DENND1A: variants seen among roughly 807,000 people sequenced by gnomAD.
The protein encoded by DENND1A is DENN domain containing 1A, also known as DENN domain-containing protein 1A.
A neutral mutation model predicts 113.7 loss-of-function variants in DENND1A; 51 were observed. That is an observed-to-expected ratio of 0.45 (90% CI 0.36 to 0.57). DENND1A has a LOEUF of 0.57. Ranked by LOEUF, DENND1A falls within the 20% of genes least tolerant of loss-of-function variation. DENND1A has a pLI of 0.00. For synonymous variants in DENND1A, 565 were observed against 570.8 expected, an observed-to-expected ratio of 0.99 and a Z score of 0.14; for missense variants, 1,258 against 1,395.9, an observed-to-expected ratio of 0.90 and a Z score of 1.57.
At chr9:123,706,145 CTTTT>C (rs368559777) in intron 5 of DENND1A, among the ~76,000 whole-genome samples, 3 of 133,136 alleles carry the variant, frequency 2.3e-5, no homozygotes, top group Non-Finnish European at 1.6e-5. Flanking sequence ...GATATTTTTT[CTTTT>C]TTTTTTTTTT....
intron 2 of DENND1A, among the ~76,000 whole-genome samples, chr9:123,878,362 A>G (rs1486769744): frequency 7.7e-6 from 1 of 129,602 alleles, no homozygotes; most frequent in Non-Finnish European, 1.6e-5. Flanking sequence ...AGATTTTAAG[A>G]AGAAATATAT....
intron 10 of DENND1A, among the ~76,000 whole-genome samples, chr9:123,623,821 G>A (rs1251560243): frequency 6.6e-6 from 1 of 152,186 alleles, no homozygotes; most frequent in African/African-American, 2.4e-5. Flanking sequence ...TGGGGTTTCT[G>A]GACTCAATGA....
rs200214417 is a variant in DENND1A, at chr9:123,893,104, G to GT, written c.18-14084dup. ...GCCCACTATACGTACAGGATTATAT[G>GT]TTTTTAAAAAAAAAAAAGTGATTCA... On this transcript the variant is annotated intron_variant, in intron 1 of 23. Transcript: ENST00000394215. Among the ~76,000 whole-genome samples the GT allele has an allele frequency of 8.1e-3, 1,206 of 149,032 alleles. 22 individuals carry two copies. The highest frequency in any genetic ancestry group is 0.029 in the African/African-American group (1,124 of 39,092).
At position 123,398,106 on chromosome 9, in the gene DENND1A, A is replaced by G. The variant is rs10986004; in HGVS notation, c.1631+5296T>C. On this transcript the variant is annotated intron_variant, in intron 21 of 23. Transcript: ENST00000394215. ...CTTAAGACTCAGAAGACAGCCCTACATCTGGGCTGTGAAGATTAAACAGGT... is the reference window on the plus strand; with the variant it reads ...CTTAAGACTCAGAAGACAGCCCTACGTCTGGGCTGTGAAGATTAAACAGGT... Among the ~76,000 whole-genome samples the G allele has an allele frequency of 6.4e-3, 975 of 152,348 alleles. 16 individuals carry two copies. Among genetic ancestry groups the G allele is most frequent in the Admixed American group, 0.029 (440 of 15,308 alleles).
intron 5 of DENND1A, among the ~76,000 whole-genome samples, chr9:123,721,853 T>A (rs1212583713): frequency 2.6e-5 from 4 of 152,190 alleles, no homozygotes; most frequent in African/African-American, 9.6e-5. Context: ...TATGTCTTTA[T>A]CAGCAGTGTG....
intron 13 of DENND1A, among the ~76,000 whole-genome samples, chr9:123,471,866 C>T (rs970392053): frequency 1.3e-5 from 2 of 152,190 alleles, no homozygotes; most frequent in Admixed American, 1.3e-4. Flanking sequence ...ATATGTCAGA[C>T]GATTTTCTAC....
chr9:123,482,060 T>C (rs1256722982), intron 13 of DENND1A, among the ~76,000 whole-genome samples: 1 of 151,736 alleles, frequency 6.6e-6, no homozygotes, highest in Non-Finnish European at 1.5e-5. Context: ...TGCCTCGGCC[T>C]CTCAAAGAGC....
intron 2 of DENND1A, among the ~76,000 whole-genome samples, chr9:123,874,324 T>C (rs1336217497): frequency 2.0e-5 from 3 of 151,418 alleles, no homozygotes; most frequent in Non-Finnish European, 4.4e-5. Flanking sequence ...AGACAAACCA[T>C]AGAAGATATC....
intron 2 of DENND1A, among the ~76,000 whole-genome samples, chr9:123,800,131 C>T (rs1438621825): frequency 6.6e-6 from 1 of 152,220 alleles, no homozygotes; most frequent in Non-Finnish European, 1.5e-5. Flanking sequence ...CTTTAAGCTA[C>T]AGTTTATTCG....
chr9:123,880,858 T>C (rs572087394), intron 1 of DENND1A, among the ~76,000 whole-genome samples: 3 of 152,288 alleles, frequency 2.0e-5, no homozygotes, highest in South Asian at 2.1e-4. Flanking sequence ...ATTTTACAAT[T>C]CTAAGAGCCG....
At chr9:123,795,364 G>A (rs189119029) in intron 2 of DENND1A, among the ~76,000 whole-genome samples, 5 of 152,282 alleles carry the variant, frequency 3.3e-5, no homozygotes, top group East Asian at 1.9e-4. Context: ...TGAGTCAATC[G>A]CAATGCCATA....
At chr9:123,383,337 C>T (rs752391377) in intron 23 of DENND1A, among the ~76,000 whole-genome samples, 2 of 152,212 alleles carry the variant, frequency 1.3e-5, no homozygotes, top group Admixed American at 6.5e-5. Context: ...GACGCAATCC[C>T]GGTTCCAGCA....
chr9:123,781,107 A>G (rs1831243427), intron 3 of DENND1A, among the ~76,000 whole-genome samples: 1 of 152,190 alleles, frequency 6.6e-6, no homozygotes, highest in South Asian at 2.1e-4. Flanking sequence ...CTAGCCCTCC[A>G]TGTTGAATGC....
intron 1 of DENND1A, among the ~76,000 whole-genome samples, chr9:123,921,453 T>C (rs1856238756): frequency 6.6e-6 from 1 of 152,064 alleles, no homozygotes. Context: ...CAGCGTGGAG[T>C]CAAACAGTAT....
intron 13 of DENND1A, among the ~76,000 whole-genome samples, chr9:123,489,145 C>T (rs2051145853): frequency 1.3e-5 from 2 of 152,146 alleles, no homozygotes; most frequent in Admixed American, 6.5e-5. Flanking sequence ...ACCAAAACCA[C>T]AGACCTAGCT....
At chr9:123,815,084 G>A (rs975054043) in intron 2 of DENND1A, among the ~76,000 whole-genome samples, 5 of 152,164 alleles carry the variant, frequency 3.3e-5, no homozygotes, top group Admixed American at 6.5e-5. Context: ...AAAAGAAAGC[G>A]ATGTGGTTAG....
At chr9:123,476,991 A>G (rs2049970087) in intron 13 of DENND1A, among the ~76,000 whole-genome samples, 1 of 152,186 alleles carries the variant, frequency 6.6e-6, no homozygotes. Context: ...TAGGTGGTCA[A>G]TATGTCAATG....
At chr9:123,672,615 G>T (rs1205693540) in intron 6 of DENND1A, among the ~76,000 whole-genome samples, 1 of 152,118 alleles carries the variant, frequency 6.6e-6, no homozygotes, top group Non-Finnish European at 1.5e-5. Flanking sequence ...TTAAGAGTGA[G>T]TACATCATGA....
intron 19 of DENND1A, among the ~76,000 whole-genome samples, chr9:123,436,333 T>G (rs1309047815): frequency 6.6e-6 from 1 of 152,218 alleles, no homozygotes; most frequent in Non-Finnish European, 1.5e-5. Context: ...AGCTCCAACC[T>G]GGAGAGACCT....
Sources: allele counts gnomAD v4.1 joint callset (sites outside exome capture counted in the v4.1 genomes callset), GRCh38; gene constraint gnomAD v4.1.1; transcripts MANE v1.5; gene names NCBI Gene and HGNC (gene_info 2026-07-23, HGNC 2026-07-21).